ITGA2B: variants seen among roughly 807,000 people sequenced by gnomAD.
ITGA2B encodes the protein integrin subunit alpha 2b, also known as integrin alpha-IIb.
In ITGA2B, 91 loss-of-function variants were observed where a neutral mutation model predicts 142.0. The ratio of observed to expected loss-of-function variants is 0.64; its 90% confidence interval spans 0.54 to 0.76. The LOEUF (loss-of-function observed/expected upper bound fraction) is 0.76. ITGA2B is among the 30% of genes least tolerant of loss of function. ITGA2B has a pLI of 0.00. For synonymous variants in ITGA2B, 536 were observed against 567.2 expected (o/e 0.94, Z 0.78); for missense variants, 1,231 against 1,350.8 (o/e 0.91, Z 1.39).
At chr17:44,388,349 T>C (rs925073571) in intron 1 of ITGA2B, among the ~76,000 whole-genome samples, 4 of 143,466 alleles carry the variant, frequency 2.8e-5, no homozygotes, top group African/African-American at 1.1e-4. Context: ...CACATTTCCT[T>C]TCTTTTTTTT....
intron 7 of ITGA2B, 99 bp downstream of exon 7, chr17:44,384,849 G>A (rs1182496429): frequency 3.2e-5 from 50 of 1,582,732 alleles, no homozygotes; most frequent in Non-Finnish European, 3.6e-5. Flanking sequence ...TGGGTTGGCC[G>A]GCAGGGGTGG....
intron 29 of ITGA2B, among the ~76,000 whole-genome samples, chr17:44,373,693 T>C (rs530902168): frequency 6.6e-6 from 1 of 152,260 alleles, no homozygotes; most frequent in Admixed American, 6.5e-5. Flanking sequence ...AAGTGCATCT[T>C]GTCCTTGAGA....
At chr17:44,374,930 C>T in intron 27 of ITGA2B, 68 bp downstream of exon 27, 1 of 1,402,910 alleles carries the variant, frequency 7.1e-7, no homozygotes, top group Non-Finnish European at 9.8e-7. Context: ...CACCAAACCC[C>T]GCCCCTCCCA....
intron 12 of ITGA2B, among the ~76,000 whole-genome samples, chr17:44,382,807 G>A (rs1394877210): frequency 1.3e-5 from 2 of 152,018 alleles, no homozygotes; most frequent in Non-Finnish European, 2.9e-5. Context: ...CTTGAGTCCC[G>A]GGCCATCAGA....
At position 44,377,079 on chromosome 17, in the gene ITGA2B, C is replaced by G. The variant is rs780953266; in HGVS notation, c.2197G>C (p.Ala733Pro). Reference sequence around the variant, plus strand: ...AGATTCCCCACGCTCACCAACATCGCGATTCCTATCTGGGAGATGAGGAGG... The same window carrying G: ...AGATTCCCCACGCTCACCAACATCGGGATTCCTATCTGGGAGATGAGGAGG... ...PMKKNAQIGI[A>P]MLVSVGNLEE... The change falls in exon 22 of 30, where the codon GCG becomes CCG. Residue 733 changes from alanine (A) to proline (P), a missense_variant. By Grantham distance (27) the Ala-to-Pro change is conservative. Around this residue, in one of 3 missense-constraint regions of ITGA2B, gnomAD observed 908 missense variants for 1,021.1 expected, o/e 0.89. Transcript: ENST00000262407. 1.3e-6 allele frequency: 2 copies of G among 1,577,340 alleles called. No individual in the cohort carries two copies. Among genetic ancestry groups the G allele is most frequent in the East Asian group, 4.6e-5 (2 of 43,548 alleles).
In ITGA2B at chr17:44,378,416, C is replaced by G. The variant is rs1283300954; in HGVS notation, c.2040G>C (p.Leu680=). The change falls in exon 20 of 30, where the codon CTG becomes CTC. Residue 680 remains leucine (L), a synonymous_variant. Transcript: ENST00000262407. ...NEGEGAYEAE[L]AVHLPQGAHY... is the part of the protein sequence containing the mutation. ...GGGCGCCCTGGGGCAGGTGCACGGC[C>G]AGCTCTGCTTCATAGGCCCCCTCGC... The G allele has an allele frequency of 6.2e-7, 1 of 1,613,568 alleles. No individual in the cohort carries two copies.
Position 44,380,616 on chromosome 17 carries a change from G to C in ITGA2B, c.1423C>G (p.Gln475Glu). 6.2e-7 allele frequency: 1 copy of C among 1,614,172 alleles called. No individual in the cohort carries two copies. Among genetic ancestry groups the C allele is most frequent in the South Asian group, 1.1e-5 (1 of 91,084 alleles). ...DLIVGAYGANQVAVYRAQPVV... is the reference protein window; with the variant it reads ...DLIVGAYGANEVAVYRAQPVV... ...AGTGCTCACCTGTACACAGCCACCT[G>C]GTTGGCCCCGTAAGCTCCCACGATC... The change falls in exon 14 of 30, where the codon CAG (glutamine) becomes GAG (glutamate). Residue 475 changes from glutamine (Q) to glutamate (E), a missense_variant. Physicochemically the swap from Gln to Glu is conservative, Grantham distance 29. Transcript: ENST00000262407.
chr17:44,378,260 G>T, intron 20 of ITGA2B, 102 bp downstream of exon 20: 2 of 1,390,594 alleles, frequency 1.4e-6, no homozygotes, highest in Non-Finnish European at 1.9e-6. Flanking sequence ...ATCTTTGACA[G>T]CAAAGCAGAA....
Position 44,372,205 on chromosome 17 carries a change from C to G in ITGA2B, c.*159G>C. The G allele has an allele frequency of 1.3e-5, 9 of 701,454 alleles. No individual in the cohort carries two copies. In the South Asian group the frequency reaches 1.4e-4, roughly 11 times the overall value. The allele number at this position is 701,454 out of a possible 1,614,324, so 43.5% of individuals were successfully genotyped here. On this transcript the variant is annotated 3_prime_UTR_variant, in exon 30 of 30. Coordinates refer to ENST00000262407, the MANE Select transcript of ITGA2B (RefSeq NM_000419.5). ...ATCAGGGCTCAGTCTCTTTATTAGG[C>G]AGCAGGAGGGGGGGTAGCCCAGCTC...
chr17:44,381,449 C>T (rs771675434), intron 12 of ITGA2B, among the ~76,000 whole-genome samples: 7 of 151,686 alleles, frequency 4.6e-5, no homozygotes, highest in Non-Finnish European at 7.4e-5. Context: ...TGTGCCTCAG[C>T]CTCTTCAGTA....
intron 8 of ITGA2B, 79 bp from the exon 9 acceptor site, chr17:44,384,433 G>A (rs1010242337): frequency 1.2e-6 from 2 of 1,607,352 alleles, no homozygotes; most frequent in Admixed American, 1.7e-5. Flanking sequence ...CTGCACCCAG[G>A]GAAAAATGTG....
rs753794676 is a variant in ITGA2B at position 44,389,336 on chromosome 17, A to C, written c.138T>G (p.Asn46Lys). 1 of 1,614,138 alleles carries C rather than the reference A, an allele frequency of 6.2e-7. No homozygotes were observed. The highest frequency in any genetic ancestry group is 1.7e-5 in the Admixed American group (1 of 60,020). Residue 46 changes from asparagine to lysine, a missense_variant, in exon 1 of 30, where the codon AAT becomes AAG. Transcript: ENST00000262407. The stretch of plus-strand genomic sequence containing the variant: ...CCAGTGAAAATCCAAACTGGCTGCC[A>C]TTGGGGCCTGCATAGAAGGTGAGCT... Reference protein sequence around the residue: ...PVQLTFYAGPNGSQFGFSLDF... With the variant: ...PVQLTFYAGPKGSQFGFSLDF...
Position 44,385,925 on chromosome 17 carries a change from G to A in ITGA2B, c.311-4C>T. ...CCTACATTTCGGGTCTCATCACCTG[G>A]AAGGCACAAGAAGGGGTGGGGCGCT... On this transcript the variant is annotated splice_polypyrimidine_tract_variant and splice_region_variant and intron_variant, in intron 2 of 29. Coordinates refer to ENST00000262407, the MANE Select transcript of ITGA2B (RefSeq NM_000419.5). 1.2e-6 allele frequency: 2 copies of A among 1,613,746 alleles called. No individual in the cohort carries two copies. Among genetic ancestry groups the A allele is most frequent in the East Asian group, 2.2e-5 (1 of 44,870 alleles).
At position 44,372,213 on chromosome 17, in the gene ITGA2B, G is replaced by A. The variant is rs917765427; in HGVS notation, c.*151C>T. ...TCAGTCTCTTTATTAGGCAGCAGGA[G>A]GGGGGGTAGCCCAGCTCTGTTGGGA... On this transcript the variant is annotated 3_prime_UTR_variant, in exon 30 of 30. Transcript: ENST00000262407. 3.0e-5 allele frequency: 22 copies of A among 723,124 alleles called. No individual in the cohort carries two copies. Among genetic ancestry groups the A allele is most frequent in the East Asian group, 1.1e-4 (4 of 36,892 alleles). 44.8% of individuals were successfully genotyped at this position (723,124 alleles called of 1,614,324 possible).
intron 10 of ITGA2B, 31 bp from the exon 11 acceptor site, chr17:44,383,977 C>A (rs2048620393): frequency 6.2e-7 from 1 of 1,614,002 alleles, no homozygotes; most frequent in African/African-American, 1.3e-5. Context: ...TCATTCACGC[C>A]GCTGGACAAG....
At chr17:44,374,839 G>T in intron 27 of ITGA2B, 79 bp from the exon 28 acceptor site, 1 of 1,381,632 alleles carries the variant, frequency 7.2e-7, no homozygotes, top group Non-Finnish European at 1.0e-6. Context: ...CACACCCCCG[G>T]CGGGGAAGCC....
intron 27 of ITGA2B, 53 bp from the exon 28 acceptor site, chr17:44,374,813 G>A: frequency 6.7e-7 from 1 of 1,501,008 alleles, no homozygotes; most frequent in South Asian, 1.1e-5. Context: ...CCTATTGGTT[G>A]CAGGAGTCCA....
At chr17:44,382,176 C>T (rs2048603079) in intron 12 of ITGA2B, among the ~76,000 whole-genome samples, 1 of 152,154 alleles carries the variant, frequency 6.6e-6, no homozygotes. Context: ...TGGCTCATCC[C>T]CCCATTTCCC....
chr17:44,377,896 G>A, intron 20 of ITGA2B, 106 bp from the exon 21 acceptor site: 2 of 717,150 alleles, frequency 2.8e-6, no homozygotes, highest in Admixed American at 2.0e-5. Flanking sequence ...AGGGAGGGGG[G>A]GGTTTCTTGG....
Sources: gnomAD v4.1 joint callset for allele counts (sites outside exome capture counted in the v4.1 genomes callset) on GRCh38, gnomAD v4.1.1 for gene constraint, gnomAD v4.1.1 regional missense constraint, MANE v1.5 for transcripts, NCBI Gene and HGNC (gene_info 2026-07-23, HGNC 2026-07-21) for gene names.